PRELID2: variants seen among roughly 807,000 people sequenced by gnomAD.
PRELID2 encodes PRELI domain containing 2, also known as PRELI domain-containing protein 2.
In PRELID2, 25 loss-of-function variants were observed where a neutral mutation model predicts 28.4. The ratio of observed to expected loss-of-function variants is 0.88; its 90% CI spans 0.64 to 1.23. The LOEUF is 1.23. PRELID2 is among the 50% of genes most tolerant of loss of function. The probability of loss-of-function intolerance (pLI) is 0.00; values close to 1 mark genes in which losing one functional copy is unlikely to be tolerated. For synonymous variants in PRELID2, 76 were observed against 71.6 expected (o/e 1.06, Z -0.31); for missense variants, 201 against 214.4 (o/e 0.94, Z 0.39).
the PRELID2 span, among the ~76,000 whole-genome samples, chr5:145,305,789 C>G: frequency 6.6e-6 from 1 of 152,128 alleles, no homozygotes; most frequent in Non-Finnish European, 1.5e-5. Context: ...TGGCACAAAG[C>G]AACCCTTAAC....
At chr5:145,734,006 C>A (rs561154528) in intron 1 of PRELID2, among the ~76,000 whole-genome samples, 2 of 152,140 alleles carry the variant, frequency 1.3e-5, no homozygotes, top group South Asian at 4.2e-4. Context: ...GAGGTAGGGG[C>A]CAGCGACAAG....
At chr5:145,828,295 T>C (rs1025685409) in intron 1 of PRELID2, among the ~76,000 whole-genome samples, 1 of 152,230 alleles carries the variant, frequency 6.6e-6, no homozygotes, top group Non-Finnish European at 1.5e-5. Context: ...AAAATAAATG[T>C]AGCTGGTTTT....
chr5:145,307,616 C>T, the PRELID2 span, among the ~76,000 whole-genome samples: 1 of 152,114 alleles, frequency 6.6e-6, no homozygotes, highest in South Asian at 2.1e-4. Context: ...TACATTAGCT[C>T]TATGTGGCAT....
chr5:145,335,632 T>TA, the PRELID2 span, among the ~76,000 whole-genome samples: 2 of 152,174 alleles, frequency 1.3e-5, no homozygotes, highest in Admixed American at 1.3e-4. Context: ...GGGAAAAATT[T>TA]AAAAATACCT....
chr5:145,535,132 T>C (rs1244526894), intron 1 of PRELID2, among the ~76,000 whole-genome samples: 2 of 151,920 alleles, frequency 1.3e-5, no homozygotes, highest in Non-Finnish European at 2.9e-5. Flanking sequence ...CCCCTATGTA[T>C]CTCCTTTAGA....
chr5:145,604,008 A>T (rs908656752), intron 1 of PRELID2, among the ~76,000 whole-genome samples: 3 of 152,096 alleles, frequency 2.0e-5, no homozygotes, highest in Non-Finnish European at 4.4e-5. Flanking sequence ...CTAATAAGAC[A>T]GGTTTCAGAT....
intron 1 of PRELID2, among the ~76,000 whole-genome samples, chr5:145,533,993 T>C (rs901115671): frequency 6.6e-6 from 1 of 152,004 alleles, no homozygotes; most frequent in Non-Finnish European, 1.5e-5. Flanking sequence ...TTGAAATTGG[T>C]GGATTATATG....
chr5:145,433,411 G>A, the PRELID2 span, among the ~76,000 whole-genome samples: 3 of 152,048 alleles, frequency 2.0e-5, no homozygotes. Flanking sequence ...TATTTCTCAG[G>A]GCCAGGTGGC....
intron 1 of PRELID2, among the ~76,000 whole-genome samples, chr5:145,495,635 G>A (rs983495552): frequency 5.3e-5 from 8 of 152,144 alleles, no homozygotes; most frequent in African/African-American, 1.9e-4. Context: ...AATTCTCACA[G>A]CCCTAGTTTC....
chr5:145,651,275 G>A (rs1393788209), intron 1 of PRELID2, among the ~76,000 whole-genome samples: 1 of 152,200 alleles, frequency 6.6e-6, no homozygotes, highest in African/African-American at 2.4e-5. Flanking sequence ...CGAACTGGGT[G>A]GAGCCCACTG....
At position 145,758,994 on chromosome 5, in the gene PRELID2, A is replaced by ATTTTTTTTTTTTTTT. The variant is rs70998036; in HGVS notation, c.*1527_*1541dup. ...CCAAGACTCTCCAGTAACGGCCTGA[A>ATTTTTTTTTTTTTTT]TTTTTTTTTTTTTTTTTTTTTTTTG... On this transcript the variant is annotated 3_prime_UTR_variant, in exon 7 of 7. Coordinates refer to ENST00000683046, the MANE Select transcript of PRELID2 (RefSeq NM_205846.3). 2 of 90,588 alleles carry ATTTTTTTTTTTTTTT rather than the reference A, an allele frequency of 2.2e-5. No individual in the cohort carries two copies. Among genetic ancestry groups the ATTTTTTTTTTTTTTT allele is most frequent in the Non-Finnish European group, 3.9e-5 (2 of 51,028 alleles). 5.6% of individuals were successfully genotyped at this position (90,588 alleles called of 1,614,324 possible).
chr5:145,268,290 T>G, the PRELID2 span, among the ~76,000 whole-genome samples: 1 of 152,124 alleles, frequency 6.6e-6, no homozygotes, highest in Admixed American at 6.6e-5. Flanking sequence ...ATTTAACTCC[T>G]AAATCTATTT....
chr5:145,535,571 C>T (rs1260267566), intron 1 of PRELID2, among the ~76,000 whole-genome samples: 3 of 151,718 alleles, frequency 2.0e-5, no homozygotes, highest in Non-Finnish European at 2.9e-5. Flanking sequence ...AAGTCCTATA[C>T]TCACAATTGC....
the PRELID2 span, among the ~76,000 whole-genome samples, chr5:145,354,717 T>G: frequency 1.3e-5 from 2 of 152,274 alleles, no homozygotes; most frequent in East Asian, 1.9e-4. Flanking sequence ...CTGAGTAAAC[T>G]TGTCCCAAAG....
the PRELID2 span, among the ~76,000 whole-genome samples, chr5:145,353,508 A>G: frequency 6.6e-6 from 1 of 152,130 alleles, no homozygotes; most frequent in Admixed American, 6.6e-5. Context: ...AGACCGGGTA[A>G]TTTGTAAAGG....
At chr5:145,314,750 G>C in the PRELID2 span, among the ~76,000 whole-genome samples, 1 of 151,732 alleles carries the variant, frequency 6.6e-6, no homozygotes, top group African/African-American at 2.4e-5. Flanking sequence ...TTAAGGTCAA[G>C]TTTTCTATAT....
chr5:145,485,718 G>A (rs1182637106), intron 1 of PRELID2, among the ~76,000 whole-genome samples: 8 of 152,150 alleles, frequency 5.3e-5, no homozygotes, highest in African/African-American at 1.2e-4. Context: ...CACCTGAGTC[G>A]TCAGGTAGCA....
intron 5 of PRELID2, among the ~76,000 whole-genome samples, chr5:145,774,783 G>A (rs1026678069): frequency 1.3e-5 from 2 of 152,200 alleles, no homozygotes; most frequent in African/African-American, 4.8e-5. Flanking sequence ...TCCAGTTCCA[G>A]GGAAAGAACT....
chr5:145,580,173 A>G (rs1055569872), intron 1 of PRELID2, among the ~76,000 whole-genome samples: 3 of 152,072 alleles, frequency 2.0e-5, no homozygotes, highest in Admixed American at 1.3e-4. Context: ...CTTAACTAAT[A>G]TAGGTGGCAA....
Sources: gnomAD v4.1 joint callset for allele counts (sites outside exome capture counted in the v4.1 genomes callset) on GRCh38, gnomAD v4.1.1 for gene constraint, MANE v1.5 for transcripts, NCBI Gene and HGNC (gene_info 2026-07-23, HGNC 2026-07-21) for gene names.